The following IMMP2L variants were observed in gnomAD, a reference collection of about 807,000 sequenced individuals.
IMMP2L encodes inner mitochondrial membrane peptidase subunit 2.
Under a neutral mutation model 19.3 loss-of-function variants are expected in IMMP2L, and 18 were observed. That is an observed-to-expected ratio of 0.93 (90% CI 0.64 to 1.38). The LOEUF is 1.38. Among genes scored for constraint, IMMP2L ranks in the 40% most tolerant of loss-of-function variants. IMMP2L has a pLI of 0.00. For missense variants in IMMP2L, 233 were observed against 218.2 expected (o/e 1.07, Z -0.43); for synonymous variants, 76 against 73.0 (o/e 1.04, Z -0.21).
chr7:111,259,529 C>G (rs998790621), intron 3 of IMMP2L, among the ~76,000 whole-genome samples: 12 of 152,016 alleles, frequency 7.9e-5, no homozygotes, highest in African/African-American at 2.2e-4. Context: ...GTCCTAGCTA[C>G]TCAGGATGCT....
chr7:111,430,137 C>T (rs1291187807), intron 3 of IMMP2L, among the ~76,000 whole-genome samples: 1 of 151,676 alleles, frequency 6.6e-6, no homozygotes, highest in Admixed American at 6.6e-5. Flanking sequence ...ATTACAAAGT[C>T]CTATTTGAAA....
At chr7:110,999,727 G>A (rs1163212489) in intron 3 of IMMP2L, among the ~76,000 whole-genome samples, 1 of 152,004 alleles carries the variant, frequency 6.6e-6, no homozygotes, top group Non-Finnish European at 1.5e-5. Context: ...TCTCCCCATA[G>A]GCCTGGCAAT....
intron 5 of IMMP2L, among the ~76,000 whole-genome samples, chr7:110,783,556 T>A (rs1554416052): frequency 1.3e-5 from 2 of 151,786 alleles, no homozygotes; most frequent in Non-Finnish European, 2.9e-5. Context: ...AACAAACATT[T>A]AAAAAAATTA....
chr7:111,015,269 T>C (rs1825381867), intron 3 of IMMP2L, among the ~76,000 whole-genome samples: 2 of 152,230 alleles, frequency 1.3e-5, no homozygotes, highest in South Asian at 4.1e-4. Context: ...AGATGAACTT[T>C]GAAAACGTTA....
intron 5 of IMMP2L, among the ~76,000 whole-genome samples, chr7:110,861,495 A>G (rs1807429286): frequency 6.6e-6 from 1 of 151,864 alleles, no homozygotes; most frequent in Admixed American, 6.6e-5. Context: ...TTGAACTCCT[A>G]GGCTCAAGTG....
chr7:111,399,260 C>T (rs1046853678), intron 3 of IMMP2L, among the ~76,000 whole-genome samples: 13 of 152,122 alleles, frequency 8.5e-5, no homozygotes, highest in African/African-American at 2.7e-4. Flanking sequence ...ATCAAAACAG[C>T]GTGGTACTGG....
chr7:111,154,511 T>A (rs956713846), intron 3 of IMMP2L, among the ~76,000 whole-genome samples: 2 of 152,084 alleles, frequency 1.3e-5, no homozygotes, highest in Admixed American at 1.3e-4. Flanking sequence ...CCACTACAAT[T>A]GTTATATTAG....
intron 3 of IMMP2L, among the ~76,000 whole-genome samples, chr7:111,224,750 C>T (rs1812896433): frequency 6.6e-6 from 1 of 152,044 alleles, no homozygotes; most frequent in Non-Finnish European, 1.5e-5. Context: ...AATATTTTCA[C>T]AGATGATATG....
intron 3 of IMMP2L, among the ~76,000 whole-genome samples, chr7:111,079,153 T>TGTC (rs1312848707): frequency 6.6e-6 from 1 of 151,422 alleles, no homozygotes; most frequent in Non-Finnish European, 1.5e-5. Flanking sequence ...AGTCTCGCTC[T>TGTC]GTCGCCCAGG....
intron 3 of IMMP2L, among the ~76,000 whole-genome samples, chr7:111,052,926 G>T (rs1255058365): frequency 6.6e-6 from 1 of 151,938 alleles, no homozygotes; most frequent in Non-Finnish European, 1.5e-5. Context: ...CCCCTAAAAG[G>T]TTTCTGTTTT....
chr7:110,808,411 A>C (rs1881172), intron 5 of IMMP2L, among the ~76,000 whole-genome samples: 146,344 of 152,050 alleles, frequency 0.96, 70,444 homozygotes, highest in East Asian at 0.98. Flanking sequence ...TCAAGAGTTT[A>C]TTTATTTTGG....
intron 3 of IMMP2L, among the ~76,000 whole-genome samples, chr7:111,062,762 C>T (rs981402051): frequency 3.3e-5 from 5 of 152,180 alleles, no homozygotes; most frequent in South Asian, 2.1e-4. Flanking sequence ...GCAGAGCAGT[C>T]ACATCTTAGA....
At chr7:111,553,102 G>T (rs886295194) in intron 1 of IMMP2L, among the ~76,000 whole-genome samples, 1 of 152,080 alleles carries the variant, frequency 6.6e-6, no homozygotes, top group Non-Finnish European at 1.5e-5. Context: ...CAGCAACCAT[G>T]AGATAACAAA....
At chr7:111,217,161 A>ACACAC (rs1812041742) in intron 3 of IMMP2L, among the ~76,000 whole-genome samples, 1 of 134,032 alleles carries the variant, frequency 7.5e-6, no homozygotes, top group African/African-American at 3.4e-5. Context: ...CACACACACA[A>ACACAC]TATGCAGTGG....
At chr7:111,484,379 C>T (rs1053008933) in intron 3 of IMMP2L, among the ~76,000 whole-genome samples, 1 of 152,126 alleles carries the variant, frequency 6.6e-6, no homozygotes, top group Non-Finnish European at 1.5e-5. Flanking sequence ...TATTACCACA[C>T]ATTCTGAATA....
intron 3 of IMMP2L, among the ~76,000 whole-genome samples, chr7:111,295,726 A>G (rs1027521454): frequency 2.0e-5 from 3 of 151,864 alleles, no homozygotes; most frequent in Non-Finnish European, 4.4e-5. Context: ...ATTTATATAT[A>G]TATAAAACCA....
intron 5 of IMMP2L, among the ~76,000 whole-genome samples, chr7:110,882,331 T>TCCTTCCTTCCTTC (rs1554445736): frequency 1.9e-4 from 27 of 144,052 alleles, no homozygotes; most frequent in African/African-American, 6.6e-4. Flanking sequence ...CTTCCTTCCT[T>TCCTTCCTTCCTTC]CCTTCCTTCC....
At chr7:111,310,232 C>CA (rs11418566) in intron 3 of IMMP2L, among the ~76,000 whole-genome samples, 64,229 of 134,390 alleles carry the variant, frequency 0.48, 14,986 homozygotes, top group Non-Finnish European at 0.53. Flanking sequence ...GACTCCATCT[C>CA]AAAAAAAAAA....
chr7:111,400,586 A>G (rs759568443), intron 3 of IMMP2L, among the ~76,000 whole-genome samples: 2 of 152,014 alleles, frequency 1.3e-5, no homozygotes, highest in African/African-American at 2.4e-5. Flanking sequence ...AGGCTTTTCT[A>G]TGGATCAGCC....
Sources: gnomAD v4.1 joint callset for allele counts (sites outside exome capture counted in the v4.1 genomes callset) on GRCh38, gnomAD v4.1.1 for gene constraint, MANE v1.5 for transcripts, NCBI Gene and HGNC (gene_info 2026-07-23, HGNC 2026-07-21) for gene names.